OSBPL6: variants seen among roughly 807,000 people sequenced by gnomAD.
OSBPL6 encodes oxysterol binding protein like 6.
A neutral mutation model predicts 125.8 loss-of-function variants in OSBPL6; 49 were observed. That is an observed-to-expected ratio of 0.39 (90% CI 0.31 to 0.49). The LOEUF is 0.49. Among genes scored for constraint, OSBPL6 ranks in the 20% least tolerant of loss-of-function variants. The pLI, the probability that OSBPL6 is intolerant of heterozygous loss-of-function variation, is 0.88. For missense variants in OSBPL6, 986 were observed against 1,135.4 expected (o/e 0.87, Z 1.89); for synonymous variants, 394 against 391.8 (o/e 1.01, Z -0.07).
At position 178,399,884 on chromosome 2, in the gene OSBPL6, A is replaced by G. The variant is rs1308340246; in HGVS notation, c.*4325A>G. On this transcript the variant is annotated 3_prime_UTR_variant, in exon 25 of 25. Transcript: ENST00000190611. Reference sequence around the variant, plus strand: ...TTTTTCATGGATTACATATTACCATATGACCCCATAAATACATTTTATTAG... The same window carrying G: ...TTTTTCATGGATTACATATTACCATGTGACCCCATAAATACATTTTATTAG... The G allele has an allele frequency of 6.6e-6, 1 of 152,212 alleles. No individual in the cohort carries two copies. Among genetic ancestry groups the G allele is most frequent in the Non-Finnish European group, 1.5e-5 (1 of 68,020 alleles). 9.4% of individuals were successfully genotyped at this position (152,212 alleles called of 1,614,324 possible). A position where few individuals can be genotyped will look rare whatever the true frequency, so the allele number is the denominator to read the frequency against.
At chr2:178,348,474 G>A (rs1690935059) in intron 11 of OSBPL6, among the ~76,000 whole-genome samples, 1 of 152,168 alleles carries the variant, frequency 6.6e-6, no homozygotes, top group African/African-American at 2.4e-5. Context: ...CCACCAATCA[G>A]GAACCTAGTC....
At chr2:178,231,425 C>A (rs1287928787) in intron 1 of OSBPL6, among the ~76,000 whole-genome samples, 1 of 152,104 alleles carries the variant, frequency 6.6e-6, no homozygotes, top group African/African-American at 2.4e-5. Flanking sequence ...CTGGCATTCA[C>A]CCGTGCAGGC....
intron 12 of OSBPL6, among the ~76,000 whole-genome samples, chr2:178,359,612 T>C (rs1263293336): frequency 6.6e-6 from 1 of 152,204 alleles, no homozygotes; most frequent in African/African-American, 2.4e-5. Flanking sequence ...CACATGTTCA[T>C]TGCAGCATTA....
rs376361550 is a variant in OSBPL6, at chr2:178,324,299, C to T, written c.195+30C>T. ...GTGATGAAATGCGGTGCTTTCTCTGCTGGCATGATGCCTGCTCTGGGGCCA... is the reference window on the plus strand; with the variant it reads ...GTGATGAAATGCGGTGCTTTCTCTGTTGGCATGATGCCTGCTCTGGGGCCA... On this transcript the variant is annotated intron_variant, in intron 4 of 24. Transcript: ENST00000190611. The T allele has an allele frequency of 1.8e-3, 2,661 of 1,473,796 alleles. 47 individuals carry two copies. The South Asian group carries it at 0.027, about 15-fold the overall frequency. 91.3% of individuals were successfully genotyped at this position (1,473,796 alleles called of 1,614,324 possible).
chr2:178,359,428 A>G (rs1189338644), intron 12 of OSBPL6, among the ~76,000 whole-genome samples: 1 of 152,184 alleles, frequency 6.6e-6, no homozygotes, highest in Non-Finnish European at 1.5e-5. Flanking sequence ...GGAGAAAATG[A>G]AACCTTTGTA....
At chr2:178,286,734 C>T (rs1684728437) in intron 2 of OSBPL6, among the ~76,000 whole-genome samples, 4 of 152,152 alleles carry the variant, frequency 2.6e-5, no homozygotes, top group Admixed American at 2.6e-4. Flanking sequence ...AAGTAGCCTT[C>T]TTTTTGAATG....
At chr2:178,355,508 G>C (rs1056182850) in intron 12 of OSBPL6, among the ~76,000 whole-genome samples, 1 of 152,130 alleles carries the variant, frequency 6.6e-6, no homozygotes, top group African/African-American at 2.4e-5. Context: ...TAAATTCCTG[G>C]ATGCATACAT....
chr2:178,256,673 G>A (rs548441383), intron 1 of OSBPL6, among the ~76,000 whole-genome samples: 3 of 152,228 alleles, frequency 2.0e-5, no homozygotes, highest in African/African-American at 4.8e-5. Context: ...TCTGGAGCAC[G>A]GCAAGTAGGC....
intron 1 of OSBPL6, 67 bp from the exon 2 acceptor site, chr2:178,284,860 G>T: frequency 2.5e-6 from 1 of 393,478 alleles, no homozygotes; most frequent in East Asian, 3.6e-5. Context: ...GCCATAGGCA[G>T]TCCCCGTGAG....
In OSBPL6 at chr2:178,383,271, G is replaced by A. The variant is rs746661902; in HGVS notation, c.1869G>A (p.Glu623=). The A allele has an allele frequency of 6.2e-7, 1 of 1,613,768 alleles. No homozygotes were observed. Among genetic ancestry groups the A allele is most frequent in the African/African-American group, 1.3e-5 (1 of 74,936 alleles). ...CTTCGGAAACTGATGATCCATATGA[G>A]CGCATGGTAATAAATAACTAACAGA... The part of the protein sequence containing the change: ...DKASETDDPY[E]RMVLVAAFAV... Residue 623 remains glutamate, a synonymous_variant, in exon 17 of 25, where the codon GAG becomes GAA. Transcript: ENST00000190611.
intron 1 of OSBPL6, among the ~76,000 whole-genome samples, chr2:178,257,343 AT>A (rs1423532703): frequency 2.6e-5 from 4 of 152,184 alleles, no homozygotes; most frequent in African/African-American, 7.2e-5. Context: ...AAAGGCTTAA[AT>A]TTTTGCATTT....
At chr2:178,197,495 GT>G (rs1466544734) in intron 1 of OSBPL6, among the ~76,000 whole-genome samples, 1 of 152,138 alleles carries the variant, frequency 6.6e-6, no homozygotes, top group African/African-American at 2.4e-5. Flanking sequence ...TATGTTCCAA[GT>G]TCCCTAGTAG....
chr2:178,224,777 A>G (rs1445001155), intron 1 of OSBPL6, among the ~76,000 whole-genome samples: 1 of 152,148 alleles, frequency 6.6e-6, no homozygotes, highest in Non-Finnish European at 1.5e-5. Context: ...TCTACAAGGA[A>G]TTAAAAAGTT....
chr2:178,321,426 A>C (rs969769668), intron 3 of OSBPL6, among the ~76,000 whole-genome samples: 1 of 152,214 alleles, frequency 6.6e-6, no homozygotes, highest in Admixed American at 6.5e-5. Context: ...GGTGTAAAAA[A>C]ATACAACATT....
chr2:178,320,383 T>C (rs1476511608), intron 3 of OSBPL6: 2 of 1,613,204 alleles, frequency 1.2e-6, no homozygotes, highest in Admixed American at 3.3e-5. Context: ...TTATCTCTGA[T>C]CAGGGGAAAC....
chr2:178,392,429 T>C lies in OSBPL6; in HGVS notation c.2464T>C (p.Tyr822His), dbSNP rs774528290. The C allele has an allele frequency of 7.4e-6, 12 of 1,613,884 alleles. No individual in the cohort carries two copies. In the Admixed American group the frequency reaches 2.0e-4, roughly 27 times the overall value. Residue 822 changes from tyrosine (Y) to histidine (H), a missense_variant, in exon 23 of 25, where the codon TAT becomes CAT. Physicochemically the swap from Tyr to His is moderately conservative, Grantham distance 83. This residue lies in a region of OSBPL6 where 843 missense variants were observed against 997.3 expected (regional missense o/e 0.85). Coordinates refer to ENST00000190611, the MANE Select transcript of OSBPL6 (RefSeq NM_032523.4). ...IWRPGSMPTN[Y>H]ELYYGFTRFA... ...CTTTCCAGGTTCCATGCCAACAAAC[T>C]ATGAGCTGTACTATGGCTTCACAAG...
chr2:178,373,241 T>C (rs1693565497), intron 14 of OSBPL6, among the ~76,000 whole-genome samples: 1 of 152,180 alleles, frequency 6.6e-6, no homozygotes, highest in Non-Finnish European at 1.5e-5. Context: ...ATTTCTAAAA[T>C]TTGTCATTCA....
At chr2:178,264,594 T>C (rs1372266385) in intron 1 of OSBPL6, among the ~76,000 whole-genome samples, 1 of 152,220 alleles carries the variant, frequency 6.6e-6, no homozygotes, top group East Asian at 1.9e-4. Context: ...AACGTGATAA[T>C]TGGGTTTTAA....
intron 1 of OSBPL6, among the ~76,000 whole-genome samples, chr2:178,268,407 A>C (rs983037443): frequency 6.6e-6 from 1 of 151,852 alleles, no homozygotes; most frequent in African/African-American, 2.4e-5. Context: ...TAAAAGGTGT[A>C]ATTATAGTAA....
Sources: allele counts gnomAD v4.1 joint callset (sites outside exome capture counted in the v4.1 genomes callset), GRCh38; gene constraint gnomAD v4.1.1; regional missense constraint gnomAD v4.1.1; transcripts MANE v1.5; gene names NCBI Gene and HGNC (gene_info 2026-07-23, HGNC 2026-07-21).